SEMA4D: variants seen among roughly 807,000 people sequenced by gnomAD.
The protein encoded by SEMA4D is semaphorin 4D.
In SEMA4D, 22 loss-of-function variants were observed where a neutral mutation model predicts 74.8. The ratio of observed to expected loss-of-function variants is 0.29; its 90% CI spans 0.21 to 0.42. The LOEUF (loss-of-function observed/expected upper bound fraction) is 0.42, where lower values mean the gene tolerates loss of function less well. Ranked by LOEUF, SEMA4D falls within the 10% of genes least tolerant of loss-of-function variation. SEMA4D has a pLI of 1.00. For synonymous variants in SEMA4D, 445 were observed against 463.7 expected (o/e 0.96, Z 0.52); for missense variants, 937 against 1,118.4 (o/e 0.84, Z 2.31).
chr9:89,477,947 C>T (rs1862175267), intron 1 of SEMA4D, among the ~76,000 whole-genome samples: 1 of 152,212 alleles, frequency 6.6e-6, no homozygotes, highest in Admixed American at 6.5e-5. Context: ...TCCTGTTTCC[C>T]CTCTGAGTCA....
chr9:89,484,804 T>C lies in SEMA4D; in HGVS notation c.-310+13115A>G, dbSNP rs1825031870. ...TGTGGTGTGGTGTGTGGATGTATTG[T>C]GTGGTGGGTGTGTGGTGTGTGGATG... On this transcript the variant is annotated intron_variant, in intron 1 of 15. Coordinates refer to ENST00000422704, the MANE Select transcript of SEMA4D (RefSeq NM_001371194.2). This position sits in a 1 kb window ranked among gnomAD's most constrained non-coding sequence, Gnocchi z 4.1. 6.6e-6 allele frequency among the ~76,000 whole-genome samples: 1 copy of C among 150,564 alleles called. No individual in the cohort carries two copies. Among genetic ancestry groups the C allele is most frequent in the South Asian group, 2.1e-4 (1 of 4,756 alleles).
intron 3 of SEMA4D, 138 bp from the exon 4 acceptor site, chr9:89,403,154 G>T: frequency 9.9e-7 from 1 of 1,006,598 alleles, no homozygotes; most frequent in Non-Finnish European, 1.4e-6. Flanking sequence ...AGGGCCATGT[G>T]TTGCTGCAAC....
intron 5 of SEMA4D, among the ~76,000 whole-genome samples, chr9:89,397,841 G>A (rs1841332777): frequency 6.6e-6 from 1 of 152,186 alleles, no homozygotes; most frequent in South Asian, 2.1e-4. Flanking sequence ...GACCACCATT[G>A]AGGAAGAATG....
chr9:89,496,525 T>C (rs1826026109), intron 1 of SEMA4D, among the ~76,000 whole-genome samples: 1 of 152,142 alleles, frequency 6.6e-6, no homozygotes, highest in Non-Finnish European at 1.5e-5. Flanking sequence ...GGGAGGGCAG[T>C]CTTTGCTCAC....
chr9:89,458,464 C>T (rs1216990649), intron 1 of SEMA4D, among the ~76,000 whole-genome samples: 1 of 152,070 alleles, frequency 6.6e-6, no homozygotes, highest in East Asian at 1.9e-4. Context: ...CTTCCTGGGC[C>T]CACCTAAAAG....
At chr9:89,411,148 G>C (rs565753984) in intron 2 of SEMA4D, among the ~76,000 whole-genome samples, 4 of 152,348 alleles carry the variant, frequency 2.6e-5, no homozygotes, top group African/African-American at 9.6e-5. Flanking sequence ...AGAAGGCACA[G>C]TGGATTACTG....
At chr9:89,362,563 G>A in intron 18 of SEMA4D, 2 of 1,494,086 alleles carry the variant, frequency 1.3e-6, no homozygotes, top group Non-Finnish European at 1.9e-6. Context: ...TCCCCTCCTT[G>A]GAGTCTAAAG....
chr9:89,380,915 T>C, intron 15 of SEMA4D, 140 bp downstream of exon 15: 1 of 1,007,328 alleles, frequency 9.9e-7, no homozygotes, highest in East Asian at 2.6e-5. Flanking sequence ...ACCACGAGTC[T>C]GCTACAGAAC....
intron 1 of SEMA4D, among the ~76,000 whole-genome samples, chr9:89,482,434 A>G (rs1372106655): frequency 6.6e-6 from 1 of 152,180 alleles, no homozygotes; most frequent in Non-Finnish European, 1.5e-5. Flanking sequence ...ATCCTCAGGG[A>G]AGCCTCCCAG....
chr9:89,416,586 A>C (rs1845767280), intron 2 of SEMA4D, among the ~76,000 whole-genome samples: 1 of 151,814 alleles, frequency 6.6e-6, no homozygotes, highest in African/African-American at 2.4e-5. Flanking sequence ...AAGAACATAC[A>C]CTCCTACACA....
At chr9:89,370,865 G>A (rs1354881002) in intron 16 of SEMA4D, among the ~76,000 whole-genome samples, 3 of 141,740 alleles carry the variant, frequency 2.1e-5, no homozygotes, top group East Asian at 2.2e-4. Flanking sequence ...TGTGTGGGAT[G>A]TGGCGTGTGG....
chr9:89,381,522 G>A lies in SEMA4D; in HGVS notation c.1447-176C>T. 1.8e-6 allele frequency: 1 copy of A among 555,706 alleles called. No individual in the cohort carries two copies. The highest frequency in any genetic ancestry group is 3.0e-6 in the Non-Finnish European group (1 of 332,702). 34.4% of individuals were successfully genotyped at this position (555,706 alleles called of 1,614,324 possible). Reference sequence around the variant, plus strand: ...AACAAGGCAGGTCTGTGACCTTCCTGCAGAATCCACGTGCTATGTCAGGGC... The same window carrying A: ...AACAAGGCAGGTCTGTGACCTTCCTACAGAATCCACGTGCTATGTCAGGGC... On this transcript the variant is annotated intron_variant, in intron 13 of 15. Transcript: ENST00000422704. This position sits in a 1 kb window ranked among gnomAD's most constrained non-coding sequence, Gnocchi z 4.6.
At chr9:89,371,075 G>T (rs190119962) in intron 16 of SEMA4D, among the ~76,000 whole-genome samples, 2 of 99,336 alleles carry the variant, frequency 2.0e-5, no homozygotes, top group African/African-American at 3.9e-5. Context: ...TGGGGTGTGG[G>T]GTGTGTGTTA....
exon 19 of SEMA4D, chr9:89,361,686 C>G (rs998397827): frequency 6.6e-5 from 10 of 152,216 alleles, no homozygotes; most frequent in African/African-American, 1.9e-4. Flanking sequence ...TGTCCTGTTG[C>G]AGAAGCTGAG....
chr9:89,421,423 C>T (rs1199426145), intron 2 of SEMA4D, among the ~76,000 whole-genome samples: 1 of 152,234 alleles, frequency 6.6e-6, no homozygotes, highest in Non-Finnish European at 1.5e-5. Context: ...CATGTTTCCG[C>T]ACCCTGCTGG....
In SEMA4D at chr9:89,389,068, C is replaced by T. The variant is rs201170526; in HGVS notation, c.775-21G>A. The T allele has an allele frequency of 1.8e-5, 29 of 1,613,324 alleles. No individual in the cohort carries two copies. In the South Asian group the frequency reaches 2.1e-4, roughly 12 times the overall value. ...TCCCCCTAAAACCCCAACAAGAAGA[C>T]GTGGTGGGCCGAGAGTGGATCCCCT... On this transcript the variant is annotated intron_variant, in intron 9 of 15. Coordinates refer to ENST00000422704, the MANE Select transcript of SEMA4D (RefSeq NM_001371194.2).
downstream of SEMA4D, chr9:89,376,730 T>G: frequency 1.4e-6 from 2 of 1,433,394 alleles, no homozygotes; most frequent in Non-Finnish European, 1.9e-6. Flanking sequence ...ATAAGGAAGG[T>G]AAAGGAACAT....
chr9:89,431,960 T>C (rs1849366510), intron 2 of SEMA4D, among the ~76,000 whole-genome samples: 1 of 152,218 alleles, frequency 6.6e-6, no homozygotes, highest in Admixed American at 6.5e-5. Context: ...TCATCTATGC[T>C]ATCCTCATCT....
intron 1 of SEMA4D, among the ~76,000 whole-genome samples, chr9:89,470,917 T>C (rs186491181): frequency 5.9e-5 from 9 of 152,324 alleles, no homozygotes; most frequent in Admixed American, 1.3e-4. Flanking sequence ...AGGGATGGTA[T>C]GGGAAGTTTT....
Sources: gnomAD v4.1 joint callset for allele counts (sites outside exome capture counted in the v4.1 genomes callset) on GRCh38, gnomAD v4.1.1 for gene constraint, Gnocchi (gnomAD v3.1) non-coding constraint, MANE v1.5 for transcripts, NCBI Gene and HGNC (gene_info 2026-07-23, HGNC 2026-07-21) for gene names.